MGAT4C: variants seen among roughly 807,000 people sequenced by gnomAD.
The protein encoded by MGAT4C is MGAT4 family member C.
In MGAT4C, 19 loss-of-function variants were observed where a neutral mutation model predicts 40.1. That is an observed-to-expected ratio of 0.47 (90% confidence interval 0.33 to 0.70). The LOEUF (loss-of-function observed/expected upper bound fraction) is 0.70, where lower values mean the gene tolerates loss of function less well. Among genes scored for constraint, MGAT4C ranks in the 30% least tolerant of loss-of-function variants. The pLI is 0.02. For synonymous variants in MGAT4C, 181 were observed against 187.1 expected (o/e 0.97, Z 0.27); for missense variants, 491 against 563.2 (o/e 0.87, Z 1.30).
intron 1 of MGAT4C, among the ~76,000 whole-genome samples, chr12:86,098,142 A>G (rs1210118820): frequency 6.6e-6 from 1 of 151,748 alleles, no homozygotes; most frequent in African/African-American, 2.4e-5. Context: ...ATTATAATTT[A>G]CAGTGTTTAC....
chr12:86,444,437 C>T (rs1454382286), intron 2 of MGAT4C, among the ~76,000 whole-genome samples: 1 of 152,168 alleles, frequency 6.6e-6, no homozygotes, highest in Non-Finnish European at 1.5e-5. Context: ...ATAATCTTTC[C>T]TGTTGACTAC....
chr12:86,734,416 G>A (rs116141587), intron 1 of MGAT4C, among the ~76,000 whole-genome samples: 70 of 152,100 alleles, frequency 4.6e-4, no homozygotes, highest in African/African-American at 1.6e-3. Context: ...TCGGAGCAGC[G>A]TGTCCTTCAT....
intron 1 of MGAT4C, among the ~76,000 whole-genome samples, chr12:86,218,515 T>C (rs1845838655): frequency 6.6e-6 from 1 of 152,160 alleles, no homozygotes; most frequent in Non-Finnish European, 1.5e-5. Context: ...AAAAACACTG[T>C]GAAATAATAA....
At chr12:86,563,064 T>A (rs1959943609) in intron 2 of MGAT4C, among the ~76,000 whole-genome samples, 1 of 152,122 alleles carries the variant, frequency 6.6e-6, no homozygotes, top group Non-Finnish European at 1.5e-5. Context: ...ACTTTAGACC[T>A]ACTCATCCCA....
chr12:86,131,512 A>G (rs1328041498), intron 1 of MGAT4C, among the ~76,000 whole-genome samples: 3 of 152,126 alleles, frequency 2.0e-5, no homozygotes, highest in Admixed American at 6.5e-5. Flanking sequence ...ATTAAAAGTT[A>G]TGCTGAATTT....
At chr12:86,650,853 G>A (rs1384341704) in intron 2 of MGAT4C, among the ~76,000 whole-genome samples, 1 of 151,894 alleles carries the variant, frequency 6.6e-6, no homozygotes, top group African/African-American at 2.4e-5. Flanking sequence ...CTTCAGAAAA[G>A]CACTGAACCT....
chr12:86,440,051 G>A (rs552942511), intron 2 of MGAT4C, among the ~76,000 whole-genome samples: 49 of 152,226 alleles, frequency 3.2e-4, no homozygotes, highest in Admixed American at 1.8e-3. Flanking sequence ...AACATTTAAA[G>A]AGGAATTGAT....
chr12:86,804,448 A>G, intron 1 of MGAT4C, among the ~76,000 whole-genome samples: 1 of 146,914 alleles, frequency 6.8e-6, no homozygotes, highest in South Asian at 2.2e-4. Context: ...AAATAAATAA[A>G]GAAAGAAAGA....
At chr12:86,610,471 T>G (rs1962210784) in intron 2 of MGAT4C, among the ~76,000 whole-genome samples, 1 of 152,160 alleles carries the variant, frequency 6.6e-6, no homozygotes, top group Admixed American at 6.5e-5. Context: ...AAGCCCTCAT[T>G]TTAATATTGC....
chr12:86,300,765 G>A (rs549951287), intron 4 of MGAT4C, among the ~76,000 whole-genome samples: 2 of 151,746 alleles, frequency 1.3e-5, no homozygotes, highest in South Asian at 4.2e-4. Context: ...TGTTTCACTT[G>A]CATTTCATAA....
chr12:86,648,886 T>C (rs1963619925), intron 2 of MGAT4C, among the ~76,000 whole-genome samples: 2 of 152,024 alleles, frequency 1.3e-5, no homozygotes, highest in Admixed American at 6.6e-5. Flanking sequence ...TACTAATTTC[T>C]TGTGTTTTAA....
chr12:86,418,532 A>C (rs1299291468), intron 3 of MGAT4C, among the ~76,000 whole-genome samples: 1 of 152,094 alleles, frequency 6.6e-6, no homozygotes. Flanking sequence ...CGGAGTTTGC[A>C]GTGAGCCAAG....
rs1450746433 is a variant in MGAT4C at position 85,969,545 on chromosome 12, G to A, written c.*9744C>T. ...TGGTTCAGTGGAATTACAGAAGCAA[G>A]TGTTTTAGATGTTCAAGTTTAAAAA... On this transcript the variant is annotated 3_prime_UTR_variant, in exon 5 of 5. Coordinates refer to ENST00000611864, the MANE Select transcript of MGAT4C (RefSeq NM_001351288.2). 2 of 151,466 alleles carry A rather than the reference G, an allele frequency of 1.3e-5. No homozygotes were observed. The allele number at this position is 151,466 out of a possible 1,614,324, so 9.4% of individuals were successfully genotyped here. A position where few individuals can be genotyped will look rare whatever the true frequency, so the allele number is the denominator to read the frequency against.
At chr12:86,357,508 C>T (rs1040079931) in intron 3 of MGAT4C, among the ~76,000 whole-genome samples, 1 of 151,760 alleles carries the variant, frequency 6.6e-6, no homozygotes, top group Non-Finnish European at 1.5e-5. Context: ...GGCTTCAGAC[C>T]ATCAGTAATA....
intron 2 of MGAT4C, among the ~76,000 whole-genome samples, chr12:86,485,636 C>A (rs1592904396): frequency 1.3e-5 from 2 of 152,062 alleles, no homozygotes; most frequent in African/African-American, 4.8e-5. Context: ...AGAGGGTAAG[C>A]AACTTGGAAA....
At chr12:86,315,780 G>T (rs1451139796) in intron 4 of MGAT4C, among the ~76,000 whole-genome samples, 1 of 151,686 alleles carries the variant, frequency 6.6e-6, no homozygotes, top group Non-Finnish European at 1.5e-5. Context: ...CATCAGTCTC[G>T]GGAAATAATT....
chr12:86,043,765 A>G (rs1892110448), intron 2 of MGAT4C, among the ~76,000 whole-genome samples: 1 of 152,196 alleles, frequency 6.6e-6, no homozygotes, highest in Non-Finnish European at 1.5e-5. Flanking sequence ...CAATGAGTCA[A>G]TAAATTTGGT....
At chr12:86,183,955 C>T (rs1387575543) in intron 1 of MGAT4C, among the ~76,000 whole-genome samples, 6 of 152,124 alleles carry the variant, frequency 3.9e-5, no homozygotes, top group Non-Finnish European at 5.9e-5. Context: ...TATCAAATCA[C>T]TCCATCAAGC....
chr12:86,748,762 T>A (rs995386688), intron 1 of MGAT4C, among the ~76,000 whole-genome samples: 5 of 151,572 alleles, frequency 3.3e-5, no homozygotes, highest in Non-Finnish European at 5.9e-5. Flanking sequence ...GGATTTTTTT[T>A]AAACATTTAC....
Sources: allele counts gnomAD v4.1 joint callset (sites outside exome capture counted in the v4.1 genomes callset), GRCh38; gene constraint gnomAD v4.1.1; transcripts MANE v1.5; gene names NCBI Gene and HGNC (gene_info 2026-07-23, HGNC 2026-07-21).